Variants in TTLL5 observed in about 807,000 individuals in gnomAD.
The protein encoded by TTLL5 is tubulin polyglutamylase TTLL5.
Under a neutral mutation model 168.4 loss-of-function variants are expected in TTLL5, and 132 were observed. That is an observed-to-expected ratio of 0.78 (90% CI 0.68 to 0.91). TTLL5 has a LOEUF of 0.91. Among genes scored for constraint, TTLL5 ranks in the 40% least tolerant of loss-of-function variants. The probability of loss-of-function intolerance (pLI) is 0.00; values close to 1 mark genes in which losing one functional copy is unlikely to be tolerated. For missense variants in TTLL5, 1,545 were observed against 1,581.5 expected, an observed-to-expected ratio of 0.98 and a Z score of 0.39; for synonymous variants, 546 against 558.6, an observed-to-expected ratio of 0.98 and a Z score of 0.32.
chr14:75,696,700 T>A (rs890205551), intron 6 of TTLL5, among the ~76,000 whole-genome samples: 3 of 152,226 alleles, frequency 2.0e-5, no homozygotes, highest in African/African-American at 7.2e-5. Flanking sequence ...TCTCCTCTTG[T>A]TCCTCAGTCA....
intron 29 of TTLL5, among the ~76,000 whole-genome samples, chr14:75,880,956 G>A (rs973698426): frequency 4.6e-5 from 7 of 152,050 alleles, no homozygotes; most frequent in East Asian, 1.9e-4. Flanking sequence ...CTCTGTCACC[G>A]AGGCTGGAGT....
At chr14:75,776,880 G>A (rs1481503572) in intron 23 of TTLL5, 30 bp downstream of exon 23, 1 of 1,547,906 alleles carries the variant, frequency 6.5e-7, no homozygotes, top group East Asian at 2.2e-5. Context: ...GATAAAAGCT[G>A]TCTTATTCCA....
At chr14:75,706,988 A>C (rs1282202257) in intron 7 of TTLL5, 30 bp from the exon 8 acceptor site, 18 of 1,533,974 alleles carry the variant, frequency 1.2e-5, no homozygotes, top group Non-Finnish European at 1.1e-5. Flanking sequence ...GTGTATTTCT[A>C]TTCTTTCATT....
At chr14:75,774,323 C>G (rs1891580313) in intron 21 of TTLL5, among the ~76,000 whole-genome samples, 2 of 152,136 alleles carry the variant, frequency 1.3e-5, no homozygotes, top group South Asian at 4.1e-4. Flanking sequence ...TGTATTCTTT[C>G]TTTACCTTAA....
intron 28 of TTLL5, among the ~76,000 whole-genome samples, chr14:75,859,827 C>A (rs375428243): frequency 1.3e-5 from 2 of 152,170 alleles, no homozygotes; most frequent in East Asian, 1.9e-4. Context: ...ACCTGGCCTC[C>A]GCTGTGTCAA....
At chr14:75,791,099 C>CT (rs1444216715) in intron 26 of TTLL5, among the ~76,000 whole-genome samples, 1 of 58,592 alleles carries the variant, frequency 1.7e-5, no homozygotes, top group African/African-American at 1.6e-4. Context: ...GAGCAAGACT[C>CT]TGTCTCAAAA....
chr14:75,718,102 A>G, intron 10 of TTLL5, 140 bp downstream of exon 10: 2 of 726,290 alleles, frequency 2.8e-6, no homozygotes, highest in Non-Finnish European at 2.3e-6. Context: ...TGTCAGTCAT[A>G]TAACAGTGTT....
At position 75,669,842 on chromosome 14, in the gene TTLL5, A is replaced by G. The variant is rs566578574; in HGVS notation, c.181+320A>G. Among the ~76,000 whole-genome samples, 17 of 152,248 alleles carry G rather than the reference A, an allele frequency of 1.1e-4. No homozygotes were observed. In the East Asian group the frequency reaches 2.5e-3, roughly 22 times the overall value. ...ACATTCACAATGTTGTGCAGCCGTC[A>G]CCACTGTTTAGTTCCAGAACATTTT... is the stretch of plus-strand genomic sequence containing the variant. On this transcript the variant is annotated intron_variant, in intron 3 of 31. Coordinates refer to ENST00000298832, the MANE Select transcript of TTLL5 (RefSeq NM_015072.5).
rs758125332 is a variant in TTLL5 at position 75,669,435 on chromosome 14, T to A, written c.94T>A (p.Trp32Arg). The change falls in exon 3 of 32, where the codon TGG (tryptophan) becomes AGG (arginine). Residue 32 changes from tryptophan to arginine, a missense_variant. Trp to Arg is a moderately radical substitution (Grantham distance 101, BLOSUM62 -3). Coordinates refer to ENST00000298832, the MANE Select transcript of TTLL5 (RefSeq NM_015072.5). ...ISQEDHPCIM[W>R]TGGCRRIPVL... ...TTATAGGGATCATCCATGCATCATG[T>A]GGACTGGAGGCTGCAGGAGAATTCC... 6.2e-7 allele frequency: 1 copy of A among 1,614,052 alleles called. No homozygotes were observed. The highest frequency in any genetic ancestry group is 8.5e-7 in the Non-Finnish European group (1 of 1,179,916).
chr14:75,954,386 C>T, intron 31 of TTLL5, 38 bp from the exon 32 acceptor site: 1 of 1,611,302 alleles, frequency 6.2e-7, no homozygotes, highest in Non-Finnish European at 8.5e-7. Flanking sequence ...CCCATGCTGT[C>T]ATTTCATTCA....
chr14:75,839,702 G>A (rs545705431), intron 28 of TTLL5, among the ~76,000 whole-genome samples: 40 of 152,282 alleles, frequency 2.6e-4, no homozygotes, highest in Non-Finnish European at 4.3e-4. Context: ...AACACATGGG[G>A]ATTATGGGGA....
rs1274904345 is a variant in TTLL5, at chr14:75,717,898, A to G, written c.778A>G (p.Ile260Val). The change falls in exon 10 of 32, where the codon ATT becomes GTT. Residue 260 changes from isoleucine to valine, a missense_variant. Ile to Val is a conservative substitution (Grantham distance 29). Transcript: ENST00000298832. The part of the protein sequence containing the change: ...TVRYDQGAKN[I>V]RNQFMHLTNY... ...GCGATATGATCAAGGAGCCAAGAAC[A>G]TTCGGAACCAGTTCATGCATCTGAC... The G allele has an allele frequency of 6.2e-7, 1 of 1,613,876 alleles. No individual in the cohort carries two copies. The highest frequency in any genetic ancestry group is 1.7e-5 in the Admixed American group (1 of 60,008).
intron 6 of TTLL5, among the ~76,000 whole-genome samples, chr14:75,695,267 AG>A (rs1885756222): frequency 6.6e-6 from 1 of 152,210 alleles, no homozygotes; most frequent in African/African-American, 2.4e-5. Flanking sequence ...TCGCGCTCCC[AG>A]GCCTATTAGG....
At chr14:75,780,352 G>A (rs552674783) in intron 24 of TTLL5, among the ~76,000 whole-genome samples, 1 of 152,274 alleles carries the variant, frequency 6.6e-6, no homozygotes, top group East Asian at 1.9e-4. Context: ...CAGCCATTGT[G>A]ATAATCCAGA....
chr14:75,782,058 T>C (rs1320646537), intron 24 of TTLL5, among the ~76,000 whole-genome samples: 4 of 151,652 alleles, frequency 2.6e-5, no homozygotes, highest in African/African-American at 9.7e-5. Flanking sequence ...TCTTGCTGTC[T>C]CGGGGTAGCT....
intron 28 of TTLL5, among the ~76,000 whole-genome samples, chr14:75,828,842 A>C (rs1478767942): frequency 6.6e-6 from 1 of 152,232 alleles, no homozygotes; most frequent in African/African-American, 2.4e-5. Flanking sequence ...TGCAAAAGCA[A>C]GGGTGAAACT....
chr14:75,668,564 T>C (rs547290408), intron 2 of TTLL5, among the ~76,000 whole-genome samples: 3 of 152,344 alleles, frequency 2.0e-5, no homozygotes, highest in African/African-American at 7.2e-5. Flanking sequence ...AAAATTAAGC[T>C]GAGATTTCCT....
chr14:75,838,309 C>G (rs1456036818), intron 28 of TTLL5: 2 of 151,142 alleles, frequency 1.3e-5, no homozygotes, highest in Non-Finnish European at 2.9e-5. Context: ...AATCCCAGCA[C>G]TTTGGGAGGC....
In TTLL5 at chr14:75,861,959, C is replaced by T. The variant is rs189369477; in HGVS notation, c.3327-1708C>T. 1.7e-3 allele frequency among the ~76,000 whole-genome samples: 260 copies of T among 152,328 alleles called. 1 individual carries two copies. The highest frequency in any genetic ancestry group is 3.4e-3 in the Middle Eastern group (1 of 294). ...TATTAGCCACCATCTGTCTCCAGAA[C>T]TTTGTCATTATGCCAAACTGAAGCT... is the stretch of plus-strand genomic sequence containing the variant. On this transcript the variant is annotated intron_variant, in intron 28 of 31. Coordinates refer to ENST00000298832, the MANE Select transcript of TTLL5 (RefSeq NM_015072.5).
Sources: gnomAD v4.1 joint callset for allele counts (sites outside exome capture counted in the v4.1 genomes callset) on GRCh38, gnomAD v4.1.1 for gene constraint, MANE v1.5 for transcripts, NCBI Gene and HGNC (gene_info 2026-07-23, HGNC 2026-07-21) for gene names.